The following UVSSA variants were observed in gnomAD, a reference collection of about 807,000 sequenced individuals.
UVSSA encodes UV-stimulated scaffold protein A.
UVSSA carries 72 observed loss-of-function variants against 73.9 expected under a neutral mutation model. The observed-to-expected ratio is 0.97, with a 90% CI of 0.81 to 1.19. The LOEUF (loss-of-function observed/expected upper bound fraction) is 1.19. Among genes scored for constraint, UVSSA ranks in the 50% most tolerant of loss-of-function variants. The pLI is 0.00. For synonymous variants in UVSSA, 454 were observed against 391.3 expected (o/e 1.16, Z -1.89); for missense variants, 1,150 against 965.0 (o/e 1.19, Z -2.54).
chr4:1,368,394 G>A (rs1488666938), intron 8 of UVSSA, among the ~76,000 whole-genome samples: 1 of 152,352 alleles, frequency 6.6e-6, no homozygotes, highest in East Asian at 1.9e-4. Flanking sequence ...GGCCAGAAGC[G>A]AAACTCAAAC....
Position 1,354,771 on chromosome 4 carries a change from C to T in UVSSA, c.971C>T (p.Ala324Val), listed in dbSNP as rs1715403151. Residue 324 changes from alanine to valine, a missense_variant, in exon 6 of 14, where the codon GCT becomes GTT. Coordinates refer to ENST00000389851, the MANE Select transcript of UVSSA (RefSeq NM_020894.4). ...GTGCAGGAGAACGAGGACAACCTTG[C>T]TCTCATCCACGCCGCCCGCGACACA... ...LKVQENEDNL[A>V]LIHAARDTLK... 1 of 1,613,690 alleles carries T rather than the reference C, an allele frequency of 6.2e-7. No individual in the cohort carries two copies. Among genetic ancestry groups the T allele is most frequent in the Middle Eastern group, 1.6e-4 (1 of 6,062 alleles).
At chr4:1,362,446 C>T (rs1048011925) in intron 7 of UVSSA, among the ~76,000 whole-genome samples, 4 of 152,248 alleles carry the variant, frequency 2.6e-5, no homozygotes, top group Non-Finnish European at 5.9e-5. Context: ...CCTGTGCCTC[C>T]CATGCCCCTG....
intron 9 of UVSSA, 25 bp downstream of exon 9, chr4:1,375,533 G>T (rs1230507024): frequency 6.2e-7 from 1 of 1,600,428 alleles, no homozygotes; most frequent in Non-Finnish European, 8.5e-7. Context: ...CCTGTGTGCT[G>T]AGCCCCCTGC....
chr4:1,355,389 TC>T, intron 7 of UVSSA, 144 bp downstream of exon 7: 1 of 799,718 alleles, frequency 1.3e-6, no homozygotes, highest in Non-Finnish European at 2.0e-6. Context: ...AGGACCTGCC[TC>T]CCCAGCGAGG....
chr4:1,370,152 A>G (rs949766245), intron 8 of UVSSA, among the ~76,000 whole-genome samples: 1 of 152,180 alleles, frequency 6.6e-6, no homozygotes, highest in African/African-American at 2.4e-5. Context: ...AATATATTTC[A>G]TTCTTGTAAC....
downstream of UVSSA, chr4:1,389,791 C>G (rs1193820419): frequency 6.6e-6 from 1 of 152,190 alleles, no homozygotes; most frequent in Non-Finnish European, 1.5e-5. Context: ...TCTCAAAGTG[C>G]TGGGATTGTG....
intron 2 of UVSSA, 144 bp from the exon 3 acceptor site, chr4:1,349,380 C>T (rs4974603): frequency 0.34 from 270,322 of 795,508 alleles, 49,211 homozygotes; most frequent in Non-Finnish European, 0.38. Context: ...GTTTGCAGAC[C>T]CTGCTCTAGA....
chr4:1,391,094 A>G (rs1367994375), downstream of UVSSA: 1 of 151,256 alleles, frequency 6.6e-6, no homozygotes, highest in African/African-American at 2.5e-5. Context: ...AGGGTTGTAT[A>G]GATGCATGTT....
At position 1,368,008 on chromosome 4, in the gene UVSSA, C is replaced by T. The variant is rs371250049; in HGVS notation, c.1288+1577C>T. Among the ~76,000 whole-genome samples the T allele has an allele frequency of 9.2e-4, 140 of 152,370 alleles. 1 individual carries two copies. The East Asian group carries it at 0.016, about 17-fold the overall frequency. ...TGCAATCTCCTTCATGGCTCTTGGC[C>T]GCCCTCAGGTGGACCAGGCCGTGGG... On this transcript the variant is annotated intron_variant, in intron 8 of 13. Transcript: ENST00000389851.
At chr4:1,381,036 A>G (rs1384671132) in intron 12 of UVSSA, 48 bp downstream of exon 12, 3 of 1,564,386 alleles carry the variant, frequency 1.9e-6, no homozygotes, top group Non-Finnish European at 2.6e-6. Flanking sequence ...CCTGGGACTC[A>G]CTGCCACTAG....
chr4:1,373,503 A>G (rs755992754), intron 8 of UVSSA, among the ~76,000 whole-genome samples: 9 of 152,238 alleles, frequency 5.9e-5, no homozygotes, highest in Non-Finnish European at 1.0e-4. Flanking sequence ...CAAGATCAAT[A>G]CTTTGTATCC....
exon 14 of UVSSA, chr4:1,394,028 G>A: frequency 4.1e-6 from 1 of 241,228 alleles, no homozygotes; most frequent in Non-Finnish European, 8.1e-6. Flanking sequence ...TCGCGGTTCT[G>A]CTGACACGCA....
downstream of UVSSA, chr4:1,392,986 C>A (rs1381528925): frequency 6.6e-6 from 1 of 152,136 alleles, no homozygotes; most frequent in Admixed American, 6.5e-5. Context: ...TGTGGTTCTG[C>A]AAATTTGGGA....
At chr4:1,344,673 C>G (rs1361543456), upstream of UVSSA, among the ~76,000 whole-genome samples, 1 of 152,184 alleles carries the variant, frequency 6.6e-6, no homozygotes, top group Non-Finnish European at 1.5e-5. Context: ...AAACAAAGAT[C>G]CCTATTTTCA....
chr4:1,383,633 C>T, intron 12 of UVSSA, 133 bp from the exon 13 acceptor site: 2 of 1,016,346 alleles, frequency 2.0e-6, no homozygotes, highest in Non-Finnish European at 2.9e-6. Flanking sequence ...CTTGCTGCTG[C>T]CAGGGTACGG....
chr4:1,370,877 G>A (rs1410814649), intron 8 of UVSSA, among the ~76,000 whole-genome samples: 1 of 152,212 alleles, frequency 6.6e-6, no homozygotes, highest in Non-Finnish European at 1.5e-5. Flanking sequence ...CTCAGGGACG[G>A]GGTCGGTGGC....
exon 14 of UVSSA, chr4:1,393,574 T>C (rs969081914): frequency 2.7e-5 from 4 of 147,584 alleles, no homozygotes; most frequent in African/African-American, 1.0e-4. Flanking sequence ...GATAGATAGA[T>C]TAGATAGATA....
intron 6 of UVSSA, 67 bp downstream of exon 6, chr4:1,354,914 C>T (rs1715454294): frequency 2.1e-6 from 3 of 1,450,058 alleles, no homozygotes; most frequent in Non-Finnish European, 2.8e-6. Context: ...GGGGGGGGTC[C>T]CTTTCTTGGG....
exon 14 of UVSSA, chr4:1,395,668 C>T (rs758148371): frequency 9.4e-6 from 14 of 1,496,722 alleles, no homozygotes; most frequent in Non-Finnish European, 1.2e-5. Context: ...CCTGCCTGCT[C>T]ACACACGTGC....
Sources: allele counts gnomAD v4.1 joint callset (sites outside exome capture counted in the v4.1 genomes callset), GRCh38; gene constraint gnomAD v4.1.1; transcripts MANE v1.5; gene names NCBI Gene and HGNC (gene_info 2026-07-23, HGNC 2026-07-21).